Variants in HMGB1 observed in about 807,000 individuals in gnomAD.
HMGB1 encodes high mobility group protein B1.
For missense variants in HMGB1, 79 were observed against 253.5 expected, an observed-to-expected ratio of 0.31 and a Z score of 4.67; for synonymous variants, 81 against 84.0, an observed-to-expected ratio of 0.96 and a Z score of 0.19.
In HMGB1 at chr13:30,459,479, TC is replaced by T. The variant is rs1437593675; in HGVS notation, c.*1877del. The T allele has an allele frequency of 6.6e-6, 1 of 152,186 alleles. No homozygotes were observed. The highest frequency in any genetic ancestry group is 1.9e-4 in the East Asian group (1 of 5,206). The allele number at this position is 152,186 out of a possible 1,614,324, so 9.4% of individuals were successfully genotyped here. On this transcript the variant is annotated 3_prime_UTR_variant, in exon 5 of 5. Transcript: ENST00000341423. ...TGGTGATTTCTATACAGTAGAAACT[TC>T]CATCTAAATCAGATTGAGTCATTTG...
intron 1 of HMGB1, among the ~76,000 whole-genome samples, chr13:30,548,694 G>A (rs1054991622): frequency 6.6e-6 from 1 of 152,148 alleles, no homozygotes; most frequent in African/African-American, 2.4e-5. Context: ...TAATTATGAT[G>A]AGATGTCACT....
chr13:30,556,194 T>G (rs1236663006), intron 1 of HMGB1, among the ~76,000 whole-genome samples: 1 of 152,144 alleles, frequency 6.6e-6, no homozygotes, highest in Non-Finnish European at 1.5e-5. Flanking sequence ...CACCTGAGAC[T>G]GGGAGTTTGA....
intron 1 of HMGB1, among the ~76,000 whole-genome samples, chr13:30,531,509 C>CGTGTGTGT (rs376387192): frequency 0.017 from 2,327 of 135,632 alleles, 40 homozygotes; most frequent in African/African-American, 0.034. Context: ...GTAACATATA[C>CGTGTGTGT]GTGTGTGTGT....
intron 1 of HMGB1, among the ~76,000 whole-genome samples, chr13:30,527,608 G>A (rs1237278160): frequency 1.3e-5 from 2 of 152,072 alleles, no homozygotes; most frequent in Non-Finnish European, 2.9e-5. Flanking sequence ...AGAAACAGAA[G>A]GCGCCGATAC....
intron 1 of HMGB1, among the ~76,000 whole-genome samples, chr13:30,530,002 GA>G (rs1174501584): frequency 6.6e-6 from 1 of 152,028 alleles, no homozygotes. Context: ...TCAGTCTGAT[GA>G]AAAAAATTCA....
At chr13:30,509,308 G>A (rs1294086969) in intron 1 of HMGB1, among the ~76,000 whole-genome samples, 1 of 151,324 alleles carries the variant, frequency 6.6e-6, no homozygotes, top group Non-Finnish European at 1.5e-5. Flanking sequence ...GTGTGATCTT[G>A]GCTCACTGCA....
At position 30,538,769 on chromosome 13, in the gene HMGB1, C is replaced by CTT. The variant is rs764297445; in HGVS notation, c.-14-75076_-14-75075insAA. On this transcript the variant is annotated intron_variant, in intron 1 of 4. Transcript: ENST00000405805. ...TCTTTTTCTTTCTTTCTCTTTCTCT[C>CTT]TCTCTTTCCTTCTTTCTTTTTCTTT... Among the ~76,000 whole-genome samples, 371 of 92,666 alleles carry CTT rather than the reference C, an allele frequency of 4.0e-3. 3 individuals carry two copies. The highest frequency in any genetic ancestry group is 0.013 in the Admixed American group (118 of 9,264). 60.8% of individuals were successfully genotyped at this position (92,666 alleles called of 152,430 possible). A position where few individuals can be genotyped will look rare whatever the true frequency, so the allele number is the denominator to read the frequency against.
At chr13:30,596,302 C>T (rs1176802049) in intron 1 of HMGB1, among the ~76,000 whole-genome samples, 3 of 152,136 alleles carry the variant, frequency 2.0e-5, no homozygotes, top group African/African-American at 7.2e-5. Context: ...TACTAGGGCC[C>T]TACAATTAGC....
intron 1 of HMGB1, among the ~76,000 whole-genome samples, chr13:30,537,163 T>C (rs1868477512): frequency 6.6e-6 from 1 of 152,200 alleles, no homozygotes; most frequent in South Asian, 2.1e-4. Context: ...TACAGGCATT[T>C]CTCCTTTTTT....
chr13:30,551,512 T>C (rs1869428226), intron 1 of HMGB1, among the ~76,000 whole-genome samples: 1 of 152,212 alleles, frequency 6.6e-6, no homozygotes, highest in East Asian at 1.9e-4. Flanking sequence ...TTTGGCCTTT[T>C]CTAATCCATT....
At chr13:30,535,710 C>A (rs183358714) in intron 1 of HMGB1, among the ~76,000 whole-genome samples, 1 of 152,106 alleles carries the variant, frequency 6.6e-6, no homozygotes, top group Non-Finnish European at 1.5e-5. Flanking sequence ...GCCAACATGG[C>A]GAAACCACAT....
At chr13:30,535,854 C>T (rs1868410271) in intron 1 of HMGB1, among the ~76,000 whole-genome samples, 1 of 152,212 alleles carries the variant, frequency 6.6e-6, no homozygotes, top group African/African-American at 2.4e-5. Context: ...TGTGCCACTG[C>T]ACTCCAGCCT....
chr13:30,476,711 A>G (rs1026461809), intron 1 of HMGB1, among the ~76,000 whole-genome samples: 1 of 151,944 alleles, frequency 6.6e-6, no homozygotes, highest in Non-Finnish European at 1.5e-5. Flanking sequence ...TAAAAGTACA[A>G]AAGTATTAGC....
intron 1 of HMGB1, among the ~76,000 whole-genome samples, chr13:30,499,998 A>G (rs571646181): frequency 1.3e-4 from 20 of 152,292 alleles, no homozygotes; most frequent in African/African-American, 4.8e-4. Context: ...GGGGCCTTTA[A>G]GAGATGATTG....
intron 1 of HMGB1, among the ~76,000 whole-genome samples, chr13:30,577,417 G>C (rs1870705867): frequency 6.6e-6 from 1 of 151,704 alleles, no homozygotes; most frequent in African/African-American, 2.4e-5. Flanking sequence ...ATAGCACCTG[G>C]AGGACTTCCA....
chr13:30,467,776 T>G (rs1432970830), upstream of HMGB1, among the ~76,000 whole-genome samples: 3 of 152,214 alleles, frequency 2.0e-5, no homozygotes, highest in Admixed American at 1.3e-4. Flanking sequence ...TATTAAAATT[T>G]GACGATTAGT....
intron 1 of HMGB1, among the ~76,000 whole-genome samples, chr13:30,593,505 G>A (rs1871460326): frequency 6.6e-6 from 1 of 152,172 alleles, no homozygotes; most frequent in South Asian, 2.1e-4. Flanking sequence ...TCAATGCCAA[G>A]ACATTTCTTG....
intron 1 of HMGB1, among the ~76,000 whole-genome samples, chr13:30,615,509 T>C (rs1300716608): frequency 2.6e-5 from 4 of 152,170 alleles, no homozygotes; most frequent in African/African-American, 9.7e-5. Context: ...TTCTCAATAG[T>C]TCAGGTCATA....
rs138797873 is a variant in HMGB1, at chr13:30,532,569, C to T, written c.-14-68875G>A. 2.1e-3 allele frequency among the ~76,000 whole-genome samples: 325 copies of T among 151,970 alleles called. 3 individuals carry two copies. Among genetic ancestry groups the T allele is most frequent in the Non-Finnish European group, 1.9e-3 (128 of 67,966 alleles). Reference sequence around the variant, plus strand: ...TGTCGCCCAGGGTGGAGTGCAGTGGCGCAATCTCAGCTCACTGCAACCTCT... The same window carrying T: ...TGTCGCCCAGGGTGGAGTGCAGTGGTGCAATCTCAGCTCACTGCAACCTCT... On this transcript the variant is annotated intron_variant, in intron 1 of 4. Transcript: ENST00000405805.
Sources: allele counts gnomAD v4.1 joint callset (sites outside exome capture counted in the v4.1 genomes callset), GRCh38; gene constraint gnomAD v4.1.1; transcripts MANE v1.5; gene names NCBI Gene and HGNC (gene_info 2026-07-23, HGNC 2026-07-21).